Variants in MSRA observed in about 807,000 individuals in gnomAD.
MSRA encodes methionine sulfoxide reductase A.
MSRA carries 54 observed loss-of-function variants against 31.3 expected under a neutral mutation model. That is an observed-to-expected ratio of 1.73 (90% CI 1.39 to 2.17). The LOEUF is 2.17. Among genes scored for constraint, MSRA ranks in the 30% most tolerant of loss-of-function variants. The pLI, the probability that MSRA is intolerant of heterozygous loss-of-function variation, is 0.00. For synonymous variants in MSRA, 169 were observed against 116.5 expected (o/e 1.45, Z -2.90); for missense variants, 507 against 300.9 (o/e 1.69, Z -5.07).
At chr8:10,230,243 T>A (rs949231322) in intron 2 of MSRA, among the ~76,000 whole-genome samples, 3 of 151,754 alleles carry the variant, frequency 2.0e-5, no homozygotes, top group African/African-American at 7.3e-5. Context: ...GTTAAGGGGG[T>A]TTGGACATGC....
intron 5 of MSRA, among the ~76,000 whole-genome samples, chr8:10,372,344 A>G (rs986623565): frequency 1.3e-5 from 2 of 152,244 alleles, no homozygotes; most frequent in African/African-American, 4.8e-5. Context: ...AACTCCATGG[A>G]GATTACTTTC....
At chr8:10,191,759 T>C (rs545526964) in intron 1 of MSRA, among the ~76,000 whole-genome samples, 1 of 152,324 alleles carries the variant, frequency 6.6e-6, no homozygotes, top group East Asian at 1.9e-4. Flanking sequence ...AAAGATGTTT[T>C]TTTTTTTGGC....
chr8:10,144,268 C>G (rs1030913542), intron 1 of MSRA, among the ~76,000 whole-genome samples: 1 of 152,110 alleles, frequency 6.6e-6, no homozygotes, highest in Non-Finnish European at 1.5e-5. Context: ...ACTGTTAAGC[C>G]ATGCTTGTTA....
chr8:10,131,761 C>T (rs965449219), intron 1 of MSRA, among the ~76,000 whole-genome samples: 2 of 152,168 alleles, frequency 1.3e-5, no homozygotes, highest in Non-Finnish European at 2.9e-5. Flanking sequence ...GGGACTCTGT[C>T]GCTGCCTCTT....
At chr8:10,190,803 A>G (rs1035344033) in intron 1 of MSRA, among the ~76,000 whole-genome samples, 2 of 152,220 alleles carry the variant, frequency 1.3e-5, no homozygotes, top group African/African-American at 4.8e-5. Context: ...GGTAGGAGAC[A>G]TTGCTATGTG....
At chr8:10,400,706 C>G (rs1807407144) in intron 5 of MSRA, among the ~76,000 whole-genome samples, 1 of 152,110 alleles carries the variant, frequency 6.6e-6, no homozygotes, top group South Asian at 2.1e-4. Context: ...GCTGAACCCT[C>G]ACATCTGTGG....
intron 3 of MSRA, among the ~76,000 whole-genome samples, chr8:10,259,558 C>A (rs1214175704): frequency 6.6e-6 from 1 of 152,150 alleles, no homozygotes; most frequent in Non-Finnish European, 1.5e-5. Flanking sequence ...GTCACTGTCC[C>A]TCCCTTTCCC....
At chr8:10,092,540 C>A (rs1409662515) in intron 1 of MSRA, among the ~76,000 whole-genome samples, 1 of 152,078 alleles carries the variant, frequency 6.6e-6, no homozygotes, top group Admixed American at 6.6e-5. Context: ...CGCCTTTAGT[C>A]CCAGCTACTT....
rs1802158692 is a variant in MSRA, at chr8:10,054,351, C to G, written c.-166C>G. The G allele has an allele frequency of 1.7e-6, 1 of 584,724 alleles. No homozygotes were observed. The allele number at this position is 584,724 out of a possible 1,614,324, so 36.2% of individuals were successfully genotyped here. A position where few individuals can be genotyped will look rare whatever the true frequency, so the allele number is the denominator to read the frequency against. On this transcript the variant is annotated 5_prime_UTR_variant, in exon 1 of 6. Transcript: ENST00000317173. ...GTACGGCCCCGGGTTTGGGCAACCTCGATTACGGGCGGCCTCCAGCCCCGC... is the reference window on the plus strand; with the variant it reads ...GTACGGCCCCGGGTTTGGGCAACCTGGATTACGGGCGGCCTCCAGCCCCGC...
intron 5 of MSRA, among the ~76,000 whole-genome samples, chr8:10,338,148 G>C (rs570355545): frequency 6.6e-6 from 1 of 152,234 alleles, no homozygotes; most frequent in Admixed American, 6.5e-5. Context: ...TTGTGTGAAA[G>C]AGGAACCTAG....
intron 1 of MSRA, among the ~76,000 whole-genome samples, chr8:10,058,560 T>A (rs1383605471): frequency 6.8e-6 from 1 of 147,606 alleles, no homozygotes; most frequent in Admixed American, 7.0e-5. Context: ...TTGTCTAGTT[T>A]CACCAAGATT....
At chr8:10,170,589 T>C (rs1454221450) in intron 1 of MSRA, among the ~76,000 whole-genome samples, 1 of 152,172 alleles carries the variant, frequency 6.6e-6, no homozygotes, top group Non-Finnish European at 1.5e-5. Context: ...AAAAATACAG[T>C]GTATCAACCA....
intron 1 of MSRA, among the ~76,000 whole-genome samples, chr8:10,175,424 C>G (rs1471697690): frequency 1.3e-5 from 2 of 152,096 alleles, no homozygotes; most frequent in Non-Finnish European, 2.9e-5. Flanking sequence ...TTTGCTTTCC[C>G]CAAAGTGTCA....
chr8:10,316,783 A>C (rs1256892537), intron 4 of MSRA, among the ~76,000 whole-genome samples: 1 of 152,190 alleles, frequency 6.6e-6, no homozygotes, highest in Admixed American at 6.5e-5. Flanking sequence ...AGGAGGTGTC[A>C]CCTGGATAAT....
At chr8:10,274,507 G>A (rs1799215868) in intron 3 of MSRA, among the ~76,000 whole-genome samples, 1 of 152,206 alleles carries the variant, frequency 6.6e-6, no homozygotes, top group Admixed American at 6.5e-5. Flanking sequence ...GCTGGGATAG[G>A]AGGCAGAAGT....
At chr8:10,284,386 G>A (rs1384725730) in intron 3 of MSRA, among the ~76,000 whole-genome samples, 2 of 151,870 alleles carry the variant, frequency 1.3e-5, no homozygotes, top group Non-Finnish European at 2.9e-5. Context: ...AGATACTGGG[G>A]TTTCACCATG....
chr8:10,187,786 C>T (rs960961088), intron 1 of MSRA, among the ~76,000 whole-genome samples: 2 of 152,186 alleles, frequency 1.3e-5, no homozygotes, highest in African/African-American at 2.4e-5. Flanking sequence ...GAATTGTACT[C>T]TGGATATTTC....
intron 4 of MSRA, among the ~76,000 whole-genome samples, chr8:10,310,380 A>C (rs1801369020): frequency 6.6e-6 from 1 of 152,244 alleles, no homozygotes. Context: ...TTTCAGTCAC[A>C]CTTTCCCTTC....
At chr8:10,234,339 CAGT>C (rs1439570024) in intron 2 of MSRA, among the ~76,000 whole-genome samples, 1 of 152,038 alleles carries the variant, frequency 6.6e-6, no homozygotes, top group Non-Finnish European at 1.5e-5. Context: ...AGAGATTGTT[CAGT>C]GTGGCGGGTT....
Sources: allele counts gnomAD v4.1 joint callset (sites outside exome capture counted in the v4.1 genomes callset), GRCh38; gene constraint gnomAD v4.1.1; transcripts MANE v1.5; gene names NCBI Gene and HGNC (gene_info 2026-07-23, HGNC 2026-07-21).